GPC6: variants seen among roughly 807,000 people sequenced by gnomAD.
GPC6 encodes glypican-6.
Under a neutral mutation model 55.2 loss-of-function variants are expected in GPC6, and 14 were observed. The observed-to-expected ratio is 0.25, with a 90% CI of 0.17 to 0.40. The LOEUF (loss-of-function observed/expected upper bound fraction) is 0.40, where lower values mean the gene tolerates loss of function less well. GPC6 is among the 10% of genes least tolerant of loss of function. The pLI is 1.00. For missense variants in GPC6, 641 were observed against 708.5 expected, an observed-to-expected ratio of 0.90 and a Z score of 1.08; for synonymous variants, 278 against 259.6, an observed-to-expected ratio of 1.07 and a Z score of -0.68.
At chr13:94,305,920 T>C in intron 5 of GPC6, 60 bp from the exon 6 acceptor site, 1 of 1,522,618 alleles carries the variant, frequency 6.6e-7, no homozygotes, top group Non-Finnish European at 9.1e-7. Context: ...CATTTCTGCT[T>C]CATGAATTTA....
chr13:93,726,925 G>T (rs1190257380), intron 2 of GPC6, among the ~76,000 whole-genome samples: 1 of 152,060 alleles, frequency 6.6e-6, no homozygotes, highest in Non-Finnish European at 1.5e-5. Context: ...TTATTTTCTT[G>T]CAGGATAATG....
chr13:93,678,633 A>C (rs1484652954), intron 2 of GPC6, among the ~76,000 whole-genome samples: 3 of 152,162 alleles, frequency 2.0e-5, no homozygotes, highest in Non-Finnish European at 4.4e-5. Context: ...TTTCTCTTAC[A>C]GACCTGATTA....
At chr13:94,054,419 G>A (rs559650491) in intron 4 of GPC6, among the ~76,000 whole-genome samples, 2 of 152,300 alleles carry the variant, frequency 1.3e-5, no homozygotes, top group Admixed American at 6.5e-5. Context: ...GCTGTGCTCC[G>A]CTGCCAGGGT....
intron 2 of GPC6, among the ~76,000 whole-genome samples, chr13:93,619,284 A>G (rs1878854236): frequency 6.6e-6 from 1 of 152,180 alleles, no homozygotes; most frequent in Admixed American, 6.6e-5. Flanking sequence ...CACCAAATTT[A>G]TGAATAAGTC....
intron 2 of GPC6, among the ~76,000 whole-genome samples, chr13:93,779,338 A>G (rs1182079838): frequency 6.6e-6 from 1 of 152,212 alleles, no homozygotes; most frequent in Non-Finnish European, 1.5e-5. Flanking sequence ...ATAGCCTTCT[A>G]ACATACTTGA....
intron 1 of GPC6, among the ~76,000 whole-genome samples, chr13:93,503,153 T>C (rs1170994081): frequency 6.6e-6 from 1 of 150,936 alleles, no homozygotes; most frequent in Non-Finnish European, 1.5e-5. Flanking sequence ...TATCAATTCA[T>C]GTACATCATC....
At chr13:93,276,767 G>A (rs1877770250) in intron 1 of GPC6, among the ~76,000 whole-genome samples, 1 of 152,098 alleles carries the variant, frequency 6.6e-6, no homozygotes, top group Admixed American at 6.5e-5. Flanking sequence ...CCTGAGGCCT[G>A]GTGAAAACCT....
At chr13:93,735,436 G>A (rs541145071) in intron 2 of GPC6, among the ~76,000 whole-genome samples, 19 of 152,082 alleles carry the variant, frequency 1.2e-4, no homozygotes, top group African/African-American at 4.3e-4. Context: ...AGGAGGCTGA[G>A]GCAGGAGAAT....
chr13:93,608,531 G>A (rs1780342483), intron 2 of GPC6, among the ~76,000 whole-genome samples: 1 of 152,180 alleles, frequency 6.6e-6, no homozygotes, highest in South Asian at 2.1e-4. Flanking sequence ...TGAAATTAGT[G>A]TTAACATTCA....
At chr13:93,557,169 T>C (rs1875525106) in intron 2 of GPC6, among the ~76,000 whole-genome samples, 1 of 152,202 alleles carries the variant, frequency 6.6e-6, no homozygotes, top group African/African-American at 2.4e-5. Flanking sequence ...ATTCCTGTGT[T>C]AAATAGTTTA....
intron 1 of GPC6, among the ~76,000 whole-genome samples, chr13:93,513,768 C>G (rs1363085190): frequency 6.6e-6 from 1 of 152,002 alleles, no homozygotes; most frequent in Non-Finnish European, 1.5e-5. Context: ...TTTTATAGCC[C>G]TTCATTAAAG....
At chr13:94,366,934 GT>G (rs1879313104) in intron 6 of GPC6, among the ~76,000 whole-genome samples, 1 of 152,180 alleles carries the variant, frequency 6.6e-6, no homozygotes, top group Non-Finnish European at 1.5e-5. Context: ...AGAGAGAAAA[GT>G]TGAGGGCTCA....
intron 1 of GPC6, among the ~76,000 whole-genome samples, chr13:93,446,009 A>C (rs2139295021): frequency 6.6e-6 from 1 of 152,338 alleles, no homozygotes; most frequent in Admixed American, 6.5e-5. Context: ...CAGAATAAGG[A>C]CAGATAGTGT....
At chr13:94,285,310 T>A (rs1892497936) in intron 4 of GPC6, among the ~76,000 whole-genome samples, 2 of 151,792 alleles carry the variant, frequency 1.3e-5, no homozygotes, top group South Asian at 4.2e-4. Context: ...TAGGAGAGGG[T>A]TAACTTGAGC....
intron 1 of GPC6, among the ~76,000 whole-genome samples, chr13:93,349,518 T>C (rs1013600233): frequency 1.3e-5 from 2 of 152,146 alleles, no homozygotes; most frequent in Non-Finnish European, 2.9e-5. Flanking sequence ...GTGTGATTAA[T>C]TTGCCAGGCT....
intron 6 of GPC6, among the ~76,000 whole-genome samples, chr13:94,353,282 A>G (rs1445040874): frequency 6.6e-6 from 1 of 152,090 alleles, no homozygotes; most frequent in Non-Finnish European, 1.5e-5. Flanking sequence ...GCGGCTTTGC[A>G]TTTACTGCCT....
intron 4 of GPC6, among the ~76,000 whole-genome samples, chr13:94,222,752 A>C (rs1890422893): frequency 6.6e-6 from 1 of 152,172 alleles, no homozygotes; most frequent in Non-Finnish European, 1.5e-5. Flanking sequence ...ATTTTCTAAT[A>C]GTCCTTCATT....
chr13:94,373,348 C>A (rs1879677726), intron 6 of GPC6, among the ~76,000 whole-genome samples: 1 of 151,782 alleles, frequency 6.6e-6, no homozygotes, highest in African/African-American at 2.4e-5. Context: ...ACTAGAATAA[C>A]CAATACAGAG....
At chr13:93,791,971 T>C (rs1886052999) in intron 2 of GPC6, among the ~76,000 whole-genome samples, 1 of 152,248 alleles carries the variant, frequency 6.6e-6, no homozygotes, top group South Asian at 2.1e-4. Flanking sequence ...GAAGCAAAAT[T>C]GTGAATTTTT....
Sources: gnomAD v4.1 joint callset for allele counts (sites outside exome capture counted in the v4.1 genomes callset) on GRCh38, gnomAD v4.1.1 for gene constraint, MANE v1.5 for transcripts, NCBI Gene and HGNC (gene_info 2026-07-23, HGNC 2026-07-21) for gene names.